The following PPP3CC variants were observed in gnomAD, a reference collection of about 807,000 sequenced individuals.
The protein encoded by PPP3CC is protein phosphatase 3 catalytic subunit gamma.
A neutral mutation model predicts 60.3 loss-of-function variants in PPP3CC; 35 were observed. The ratio of observed to expected loss-of-function variants is 0.58; its 90% CI spans 0.44 to 0.77. The LOEUF (loss-of-function observed/expected upper bound fraction) is 0.77, where lower values mean the gene tolerates loss of function less well. Among genes scored for constraint, PPP3CC ranks in the 30% least tolerant of loss-of-function variants. The probability of loss-of-function intolerance (pLI) is 0.00; values close to 1 mark genes in which losing one functional copy is unlikely to be tolerated. For synonymous variants in PPP3CC, 206 were observed against 224.3 expected, an observed-to-expected ratio of 0.92 and a Z score of 0.73; for missense variants, 570 against 628.9, an observed-to-expected ratio of 0.91 and a Z score of 1.00.
At chr8:22,495,506 A>T (rs1189508371) in intron 3 of PPP3CC, among the ~76,000 whole-genome samples, 1 of 152,010 alleles carries the variant, frequency 6.6e-6, no homozygotes, top group Non-Finnish European at 1.5e-5. Flanking sequence ...ATGAATGTGT[A>T]GTTTTGTCAG....
chr8:22,513,535 C>T lies in PPP3CC; in HGVS notation c.770+103C>T, dbSNP rs193063751. On this transcript the variant is annotated intron_variant, in intron 6 of 13. Transcript: ENST00000240139. Reference sequence around the variant, plus strand: ...ATTTCAAATCTATGTAGTATAAGCACTCCTGTTTAATTTTTCGATTAATAG... The same window carrying T: ...ATTTCAAATCTATGTAGTATAAGCATTCCTGTTTAATTTTTCGATTAATAG... 4.4e-4 allele frequency: 563 copies of T among 1,275,726 alleles called. 2 individuals are homozygous for T. Among genetic ancestry groups the T allele is most frequent in the Non-Finnish European group, 1.4e-4 (135 of 965,034 alleles). The allele number at this position is 1,275,726 out of a possible 1,614,324, so 79.0% of individuals were successfully genotyped here. A position where few individuals can be genotyped will look rare whatever the true frequency, so the allele number is the denominator to read the frequency against.
Position 22,508,896 on chromosome 8 carries a change from G to T in PPP3CC, c.485-2190G>T, listed in dbSNP as rs74411200. On this transcript the variant is annotated intron_variant, in intron 4 of 13. Coordinates refer to ENST00000240139, the MANE Select transcript of PPP3CC (RefSeq NM_005605.5). Reference sequence around the variant, plus strand: ...CAAAGCAGAGTATAAGGATGTAACTGTAAGGAGAGGCAATGATGCATAAGA... The same window carrying T: ...CAAAGCAGAGTATAAGGATGTAACTTTAAGGAGAGGCAATGATGCATAAGA... Among the ~76,000 whole-genome samples the T allele has an allele frequency of 7.9e-3, 1,202 of 152,328 alleles. 16 individuals are homozygous for T. The highest frequency in any genetic ancestry group is 0.027 in the African/African-American group (1,140 of 41,580).
chr8:22,448,132 C>T (rs978084171), intron 1 of PPP3CC, among the ~76,000 whole-genome samples: 1 of 152,148 alleles, frequency 6.6e-6, no homozygotes, highest in East Asian at 1.9e-4. Context: ...GACAATCAGA[C>T]AAATCCAGTT....
At chr8:22,447,389 A>G (rs1045672692) in intron 1 of PPP3CC, among the ~76,000 whole-genome samples, 5 of 151,608 alleles carry the variant, frequency 3.3e-5, no homozygotes, top group African/African-American at 1.2e-4. Context: ...TCACTGTGTT[A>G]GCCAGGATGG....
At position 22,492,735 on chromosome 8, in the gene PPP3CC, A is replaced by G. The variant is rs1838445374; in HGVS notation, c.373-5266A>G. 3.0e-6 allele frequency: 3 copies of G among 1,013,094 alleles called. No individual in the cohort carries two copies. The South Asian group carries it at 3.8e-5, about 13-fold the overall frequency. The allele number at this position is 1,013,094 out of a possible 1,614,324, so 62.8% of individuals were successfully genotyped here. ...GCGGTTCATAGAACAGCCACAGCAG[A>G]TGATAAAAAACTTCAGTTCTCCTTA... On this transcript the variant is annotated intron_variant, in intron 3 of 13. Coordinates refer to ENST00000240139, the MANE Select transcript of PPP3CC (RefSeq NM_005605.5).
At chr8:22,540,544 G>T in intron 13 of PPP3CC, 71 bp from the exon 14 acceptor site, 1 of 1,476,682 alleles carries the variant, frequency 6.8e-7, no homozygotes, top group Non-Finnish European at 9.2e-7. Flanking sequence ...TGTGTGCTAA[G>T]AAACTTTTTT....
At chr8:22,535,504 C>CA (rs1839824285) in intron 12 of PPP3CC, among the ~76,000 whole-genome samples, 1 of 149,790 alleles carries the variant, frequency 6.7e-6, no homozygotes, top group Non-Finnish European at 1.5e-5. Context: ...TTTTCTTTTT[C>CA]TTTTTTTTTC....
At chr8:22,495,138 G>A (rs1838528114) in intron 3 of PPP3CC, among the ~76,000 whole-genome samples, 1 of 151,992 alleles carries the variant, frequency 6.6e-6, no homozygotes, top group Non-Finnish European at 1.5e-5. Context: ...TTGTAGAGAT[G>A]GGGTCTTGCT....
chr8:22,499,350 A>C (rs930720844), intron 4 of PPP3CC, among the ~76,000 whole-genome samples: 15 of 151,204 alleles, frequency 9.9e-5, no homozygotes, highest in Non-Finnish European at 8.8e-5. Flanking sequence ...GAGGCAGGAG[A>C]ATGGCGTGAA....
rs1839945896 is a variant in PPP3CC at position 22,540,927 on chromosome 8, G to T, written c.*125G>T. 1 of 856,286 alleles carries T rather than the reference G, an allele frequency of 1.2e-6. No individual in the cohort carries two copies. 53.0% of individuals were successfully genotyped at this position (856,286 alleles called of 1,614,324 possible). ...TGGAGGTGCATTTATAATTCAGTCTGCATTTATTCTGTAAAAAGGTGGCTG... is the reference window on the plus strand; with the variant it reads ...TGGAGGTGCATTTATAATTCAGTCTTCATTTATTCTGTAAAAAGGTGGCTG... On this transcript the variant is annotated 3_prime_UTR_variant, in exon 14 of 14. Transcript: ENST00000240139.
intron 3 of PPP3CC, chr8:22,493,082 T>A: frequency 6.4e-7 from 1 of 1,550,506 alleles, no homozygotes; most frequent in Non-Finnish European, 8.8e-7. Flanking sequence ...AGATGGAGAA[T>A]TTTGATGAGG....
intron 8 of PPP3CC, among the ~76,000 whole-genome samples, chr8:22,525,267 G>A (rs2461481): frequency 0.45 from 67,691 of 151,866 alleles, 15,150 homozygotes; most frequent in East Asian, 0.56. Context: ...TTGTTTCTTA[G>A]GCATTTTAGA....
At chr8:22,522,913 C>T (rs1839446543) in intron 8 of PPP3CC, 164 bp downstream of exon 8, 5 of 555,054 alleles carry the variant, frequency 9.0e-6, no homozygotes, top group Non-Finnish European at 1.2e-5. Context: ...AGAATTTATG[C>T]TGCTGCTTGG....
intron 3 of PPP3CC, among the ~76,000 whole-genome samples, chr8:22,486,904 A>G (rs992464577): frequency 3.3e-5 from 5 of 151,390 alleles, no homozygotes; most frequent in African/African-American, 1.2e-4. Flanking sequence ...TAATTTTTGT[A>G]TTTTTAGTAG....
In PPP3CC at chr8:22,451,487, A is replaced by T. The variant is rs540312855; in HGVS notation, c.49+10029A>T. Among the ~76,000 whole-genome samples, 9 of 152,342 alleles carry T rather than the reference A, an allele frequency of 5.9e-5. No individual in the cohort carries two copies. In the South Asian group the frequency reaches 1.9e-3, roughly 32 times the overall value. On this transcript the variant is annotated intron_variant, in intron 1 of 13. Transcript: ENST00000240139. ...GAGTGTTCCTAATCCAAAATCTGAC[A>T]TTCTCCAAAATCTGAAGCTTTTTGA...
At chr8:22,442,145 G>C (rs1836691568) in intron 1 of PPP3CC, among the ~76,000 whole-genome samples, 1 of 152,182 alleles carries the variant, frequency 6.6e-6, no homozygotes, top group Non-Finnish European at 1.5e-5. Context: ...TCTAAATCTT[G>C]TAGAGTTTTA....
intron 3 of PPP3CC, among the ~76,000 whole-genome samples, chr8:22,484,796 T>C (rs566807026): frequency 6.6e-5 from 10 of 152,248 alleles, no homozygotes; most frequent in Non-Finnish European, 1.2e-4. Flanking sequence ...TTCTTTAATA[T>C]CTGCTGGTTT....
chr8:22,492,884 T>G, intron 3 of PPP3CC: 1 of 1,129,124 alleles, frequency 8.9e-7, no homozygotes, highest in Non-Finnish European at 1.3e-6. Flanking sequence ...CAGGCCATGC[T>G]GAGACAAAGC....
chr8:22,479,807 C>A (rs371604054), intron 3 of PPP3CC, among the ~76,000 whole-genome samples: 1 of 150,688 alleles, frequency 6.6e-6, no homozygotes, highest in Non-Finnish European at 1.5e-5. Flanking sequence ...ACAGACTGAG[C>A]GGGCTTTGGT....
Sources: gnomAD v4.1 joint callset for allele counts (sites outside exome capture counted in the v4.1 genomes callset) on GRCh38, gnomAD v4.1.1 for gene constraint, MANE v1.5 for transcripts, NCBI Gene and HGNC (gene_info 2026-07-23, HGNC 2026-07-21) for gene names.